PAXIP1: variants seen among roughly 807,000 people sequenced by gnomAD.
PAXIP1 encodes the protein PAX-interacting protein 1.
A neutral mutation model predicts 140.6 loss-of-function variants in PAXIP1; 19 were observed. The observed-to-expected ratio is 0.14, with a 90% CI of 0.09 to 0.20. PAXIP1 has a LOEUF of 0.20. PAXIP1 is among the 10% of genes least tolerant of loss of function. PAXIP1 has a pLI of 1.00. For synonymous variants in PAXIP1, 442 were observed against 444.6 expected, an observed-to-expected ratio of 0.99 and a Z score of 0.07; for missense variants, 920 against 1,208.6, an observed-to-expected ratio of 0.76 and a Z score of 3.54.
chr7:155,002,733 GACCCGACGCTCTGC>G (rs1208872001), intron 1 of PAXIP1, 102 bp downstream of exon 1: 1 of 489,956 alleles, frequency 2.0e-6, no homozygotes, highest in African/African-American at 2.1e-5. Context: ...GGCCTCGGCG[GACCCGACGCTCTGC>G]GCCCGGCGCG....
chr7:154,982,415 G>A (rs1048782975), intron 5 of PAXIP1, among the ~76,000 whole-genome samples: 1 of 119,468 alleles, frequency 8.4e-6, no homozygotes, highest in Non-Finnish European at 1.8e-5. Context: ...GCAGTGGTGT[G>A]ATCTCAGCTC....
At chr7:154,995,234 G>A (rs955987553) in intron 2 of PAXIP1, among the ~76,000 whole-genome samples, 2 of 152,206 alleles carry the variant, frequency 1.3e-5, no homozygotes, top group Non-Finnish European at 2.9e-5. Context: ...AGTGGGAGGG[G>A]CCACTGTGAC....
chr7:154,946,649 G>A lies in PAXIP1; in HGVS notation c.3057+30C>T, dbSNP rs376467437. On this transcript the variant is annotated intron_variant, in intron 18 of 20. Transcript: ENST00000404141. This position sits in a 1 kb window ranked among gnomAD's most constrained non-coding sequence, Gnocchi z 4.9. ...GCTGAATGTGATACAGGGCAATGAC[G>A]GACTCGCTGGCGGACTCCACTCTAC... The A allele has an allele frequency of 9.3e-6, 15 of 1,613,384 alleles. 1 individual carries two copies. Among genetic ancestry groups the A allele is most frequent in the African/African-American group, 6.7e-5 (5 of 74,848 alleles).
At chr7:154,971,749 A>G (rs7795414) in intron 6 of PAXIP1, among the ~76,000 whole-genome samples, 5,799 of 152,334 alleles carry the variant, frequency 0.038, 245 homozygotes, top group African/African-American at 0.11. Flanking sequence ...AGTATGATAC[A>G]CATCACATGG....
In PAXIP1 at chr7:154,946,878, TCTC is replaced by T. The variant is rs1412846973; in HGVS notation, c.2923-68_2923-66del. On this transcript the variant is annotated intron_variant, in intron 17 of 20. Transcript: ENST00000404141. This position sits in a 1 kb window ranked among gnomAD's most constrained non-coding sequence, Gnocchi z 4.9. ...TGCTTTAATTTTTAGAGTACATAATTCTCATAGATTCTGCCCTGAGATTTTTGA... is the reference window on the plus strand; with the variant it reads ...TGCTTTAATTTTTAGAGTACATAATTATAGATTCTGCCCTGAGATTTTTGA... The T allele has an allele frequency of 8.1e-7, 1 of 1,232,710 alleles. No homozygotes were observed. The highest frequency in any genetic ancestry group is 2.3e-5 in the Admixed American group (1 of 44,060). 76.4% of individuals were successfully genotyped at this position (1,232,710 alleles called of 1,614,324 possible). A position where few individuals can be genotyped will look rare whatever the true frequency, so the allele number is the denominator to read the frequency against.
rs914295101 is a variant in PAXIP1 at position 154,946,664 on chromosome 7, C to G, written c.3057+15G>C. 1 of 1,613,616 alleles carries G rather than the reference C, an allele frequency of 6.2e-7. No homozygotes were observed. The highest frequency in any genetic ancestry group is 8.5e-7 in the Non-Finnish European group (1 of 1,179,766). On this transcript the variant is annotated intron_variant, in intron 18 of 20. Transcript: ENST00000404141. This position sits in a 1 kb window ranked among gnomAD's most constrained non-coding sequence, Gnocchi z 4.9. ...GGGCAATGACGGACTCGCTGGCGGA[C>G]TCCACTCTACCCACCGAGTTCTGCT... is the stretch of plus-strand genomic sequence containing the variant.
At chr7:154,990,128 G>C (rs549109221) in intron 4 of PAXIP1, among the ~76,000 whole-genome samples, 4 of 132,172 alleles carry the variant, frequency 3.0e-5, no homozygotes, top group Non-Finnish European at 6.2e-5. Context: ...CACAACCTCC[G>C]CCTCCCAGGT....
Position 154,968,996 on chromosome 7 carries a change from T to C in PAXIP1, c.1205A>G (p.Gln402Arg). The C allele has an allele frequency of 1.3e-6, 2 of 1,550,800 alleles. No individual in the cohort carries two copies. Among genetic ancestry groups the C allele is most frequent in the East Asian group, 2.4e-5 (1 of 40,916 alleles). Residue 402 changes from glutamine to arginine, a missense_variant, in exon 7 of 21, where the codon CAG becomes CGG. This residue lies in a region of PAXIP1 where 419 missense variants were observed against 514.7 expected (regional missense o/e 0.81). Coordinates refer to ENST00000404141, the MANE Select transcript of PAXIP1 (RefSeq NM_007349.4). ...VKVTPETHMLQQQQQAQQQQQ... is the reference protein window; with the variant it reads ...VKVTPETHMLRQQQQAQQQQQ... The stretch of plus-strand genomic sequence containing the variant: ...CTGCTGCTGGGCCTGCTGCTGCTGC[T>C]GTAGCATGTGTGTCTCTGGAGTCAC...
intron 20 of PAXIP1, chr7:154,944,819 G>A (rs560924336): frequency 2.0e-5 from 3 of 152,198 alleles, no homozygotes; most frequent in Non-Finnish European, 2.9e-5. Flanking sequence ...ATTCCTATCA[G>A]TAGCTCCTAC....
chr7:154,992,022 C>T (rs1338015796), intron 3 of PAXIP1, among the ~76,000 whole-genome samples: 1 of 152,210 alleles, frequency 6.6e-6, no homozygotes, highest in Non-Finnish European at 1.5e-5. Context: ...CCTTCAGCCC[C>T]ATTATCGAAG....
intron 10 of PAXIP1, 81 bp downstream of exon 10, chr7:154,962,240 C>T: frequency 6.7e-7 from 1 of 1,488,118 alleles, no homozygotes. Context: ...AACGCAGGAG[C>T]CTCAGGTAAG....
Position 154,975,960 on chromosome 7 carries a change from T to C in PAXIP1, c.810A>G (p.Glu270=). 1 of 1,613,884 alleles carries C rather than the reference T, an allele frequency of 6.2e-7. No individual in the cohort carries two copies. The highest frequency in any genetic ancestry group is 8.5e-7 in the Non-Finnish European group (1 of 1,179,836). ...QERNLNWTPA[E]VPQLAAAKRR... ...GTTTTGCTGCAGCTAACTGTGGGAC[T>C]TCGGCCGGGGTCCAGTTTAAATTTC... is the stretch of plus-strand genomic sequence containing the variant. The change falls in exon 6 of 21, where the codon GAA becomes GAG. Residue 270 remains glutamate (E), a synonymous_variant. Transcript: ENST00000404141.
At chr7:154,971,619 C>T (rs953141121) in intron 6 of PAXIP1, among the ~76,000 whole-genome samples, 3 of 152,232 alleles carry the variant, frequency 2.0e-5, no homozygotes, top group Admixed American at 6.5e-5. Context: ...TGCTCAATTA[C>T]GTAATTGTGC....
intron 3 of PAXIP1, among the ~76,000 whole-genome samples, chr7:154,991,640 C>G (rs1810335563): frequency 6.6e-6 from 1 of 152,178 alleles, no homozygotes; most frequent in Non-Finnish European, 1.5e-5. Context: ...AAAGATCCTT[C>G]CTATTTCTAA....
At chr7:154,965,960 T>A (rs1585052765) in intron 8 of PAXIP1, among the ~76,000 whole-genome samples, 1 of 152,274 alleles carries the variant, frequency 6.6e-6, no homozygotes, top group South Asian at 2.1e-4. Flanking sequence ...CGGTCCCAGG[T>A]CTAGTTCTCT....
chr7:154,976,380 A>C, intron 5 of PAXIP1, 49 bp from the exon 6 acceptor site: 2 of 1,515,526 alleles, frequency 1.3e-6, no homozygotes, highest in Non-Finnish European at 1.8e-6. Context: ...AAATTTTATC[A>C]CATTTCCTAC....
chr7:154,987,856 C>A (rs1810145323), intron 4 of PAXIP1, among the ~76,000 whole-genome samples: 1 of 152,196 alleles, frequency 6.6e-6, no homozygotes, highest in Admixed American at 6.5e-5. Flanking sequence ...CATGTTGTAT[C>A]TGCTACCCTG....
intron 5 of PAXIP1, among the ~76,000 whole-genome samples, chr7:154,981,163 C>T (rs536032513): frequency 2.0e-5 from 3 of 151,924 alleles, no homozygotes; most frequent in East Asian, 1.9e-4. Flanking sequence ...GTGTACAGAA[C>T]GGGGTTAGAG....
At position 154,969,051 on chromosome 7, in the gene PAXIP1, C is replaced by T; in HGVS notation, c.1150G>A (p.Ala384Thr). The change falls in exon 7 of 21, where the codon GCC becomes ACC. Residue 384 changes from alanine (A) to threonine (T), a missense_variant. Physicochemically the swap from Ala to Thr is moderately conservative, Grantham distance 58. Coordinates refer to ENST00000404141, the MANE Select transcript of PAXIP1 (RefSeq NM_007349.4). ...ACTTGGCTAAACAGCACTGCATTGG[C>T]ATTTGTATGTCCCTGCTGGCTGTGA... ...VNHSQQGHTN[A>T]NAVLFSQVKV... 1 of 1,537,132 alleles carries T rather than the reference C, an allele frequency of 6.5e-7. No homozygotes were observed. Among genetic ancestry groups the T allele is most frequent in the East Asian group, 2.4e-5 (1 of 40,832 alleles).
Sources: allele counts gnomAD v4.1 joint callset (sites outside exome capture counted in the v4.1 genomes callset), GRCh38; gene constraint gnomAD v4.1.1; regional missense constraint gnomAD v4.1.1; non-coding constraint Gnocchi (gnomAD v3.1); transcripts MANE v1.5; gene names NCBI Gene and HGNC (gene_info 2026-07-23, HGNC 2026-07-21).